SEMA3C: variants seen among roughly 807,000 people sequenced by gnomAD.
SEMA3C encodes semaphorin 3C.
A neutral mutation model predicts 89.4 loss-of-function variants in SEMA3C; 47 were observed. The observed-to-expected ratio is 0.53, with a 90% CI of 0.42 to 0.67. The LOEUF (loss-of-function observed/expected upper bound fraction) is 0.67, where lower values mean the gene tolerates loss of function less well. SEMA3C is among the 30% of genes least tolerant of loss of function. SEMA3C has a pLI of 0.00. For missense variants in SEMA3C, 839 were observed against 929.1 expected (o/e 0.90, Z 1.26); for synonymous variants, 310 against 320.2 (o/e 0.97, Z 0.34).
intron 2 of SEMA3C, among the ~76,000 whole-genome samples, chr7:80,846,427 G>A (rs1483743662): frequency 1.3e-5 from 2 of 152,290 alleles, no homozygotes; most frequent in East Asian, 1.9e-4. Context: ...CACGATCACA[G>A]TTCACTGTAA....
intron 2 of SEMA3C, among the ~76,000 whole-genome samples, chr7:80,831,725 G>A (rs1413852464): frequency 1.3e-5 from 2 of 152,086 alleles, no homozygotes; most frequent in Non-Finnish European, 2.9e-5. Context: ...CACCTGATAT[G>A]CTAAAATGGA....
chr7:80,881,216 C>G (rs1466372552), intron 2 of SEMA3C, among the ~76,000 whole-genome samples: 2 of 150,916 alleles, frequency 1.3e-5, no homozygotes, highest in Non-Finnish European at 3.0e-5. Context: ...CACACTCTCT[C>G]TCATGTAAAG....
intron 2 of SEMA3C, among the ~76,000 whole-genome samples, chr7:80,915,293 G>A (rs948620061): frequency 2.6e-5 from 4 of 152,134 alleles, no homozygotes; most frequent in African/African-American, 9.7e-5. Context: ...GCATAGCTAT[G>A]GGTTTTAAGG....
intron 12 of SEMA3C, among the ~76,000 whole-genome samples, chr7:80,766,558 C>T (rs1035079634): frequency 1.2e-4 from 18 of 152,226 alleles, no homozygotes; most frequent in Admixed American, 1.1e-3. Context: ...AGACCCTATG[C>T]TCAGGCCTGC....
At chr7:80,815,575 T>TAAAAAAAAAAAAAAAAAAAAAAAA (rs1789585531) in intron 5 of SEMA3C, among the ~76,000 whole-genome samples, 61 of 82,004 alleles carry the variant, frequency 7.4e-4, no homozygotes, top group Middle Eastern at 8.2e-3. Flanking sequence ...AAAAAAAAAG[T>TAAAAAAAAAAAAAAAAAAAAAAAA]AAATGTAGAG....
In SEMA3C at chr7:80,742,867, T is replaced by C. The variant is rs996729521; in HGVS notation, c.*2027A>G. 6.6e-6 allele frequency: 1 copy of C among 151,964 alleles called. No individual in the cohort carries two copies. The highest frequency in any genetic ancestry group is 1.5e-5 in the Non-Finnish European group (1 of 67,844). 9.4% of individuals were successfully genotyped at this position (151,964 alleles called of 1,614,324 possible). A position where few individuals can be genotyped will look rare whatever the true frequency, so the allele number is the denominator to read the frequency against. ...TTTACATTCAGCAGAGTTATGTTCA[T>C]GAAGAATTTCTACATTTTTAAAAGT... On this transcript the variant is annotated 3_prime_UTR_variant, in exon 18 of 18. Coordinates refer to ENST00000265361, the MANE Select transcript of SEMA3C (RefSeq NM_006379.5).
chr7:80,800,841 A>G lies in SEMA3C; in HGVS notation c.917-15T>C. The G allele has an allele frequency of 6.8e-7, 1 of 1,478,194 alleles. No individual in the cohort carries two copies. Among genetic ancestry groups the G allele is most frequent in the East Asian group, 2.6e-5 (1 of 38,162 alleles). 91.6% of individuals were successfully genotyped at this position (1,478,194 alleles called of 1,614,324 possible). On this transcript the variant is annotated splice_polypyrimidine_tract_variant and intron_variant, in intron 9 of 17. Transcript: ENST00000265361. ...AAACACATCCTCTATAAAAAGGAAA[A>G]TATTCTTTTAAAGTTTCTAAATATT...
chr7:80,783,266 T>C (rs1235100830), intron 12 of SEMA3C, among the ~76,000 whole-genome samples: 1 of 152,184 alleles, frequency 6.6e-6, no homozygotes, highest in Non-Finnish European at 1.5e-5. Context: ...TGTTCTTTTC[T>C]TTCCCTGTCT....
intron 2 of SEMA3C, among the ~76,000 whole-genome samples, chr7:80,848,500 G>A (rs1299079793): frequency 6.6e-6 from 1 of 152,172 alleles, no homozygotes; most frequent in Admixed American, 6.5e-5. Context: ...GAATAACACT[G>A]AAGGTCACGT....
At chr7:80,800,530 A>G (rs1352420107) in intron 10 of SEMA3C, among the ~76,000 whole-genome samples, 4 of 152,306 alleles carry the variant, frequency 2.6e-5, no homozygotes, top group Admixed American at 2.6e-4. Flanking sequence ...TTTGTTTGAT[A>G]AAAATATCAT....
chr7:80,840,997 C>G (rs908541140), intron 2 of SEMA3C, among the ~76,000 whole-genome samples: 1 of 152,006 alleles, frequency 6.6e-6, no homozygotes, highest in African/African-American at 2.4e-5. Flanking sequence ...GTGGGAGATT[C>G]AAAGGATGAT....
intron 14 of SEMA3C, among the ~76,000 whole-genome samples, chr7:80,760,632 G>T (rs780596814): frequency 6.6e-6 from 1 of 152,164 alleles, no homozygotes; most frequent in Non-Finnish European, 1.5e-5. Context: ...ATGGTGAAGA[G>T]CTCCAGAATC....
chr7:80,816,763 C>T (rs562978039), intron 5 of SEMA3C, among the ~76,000 whole-genome samples: 18 of 152,250 alleles, frequency 1.2e-4, no homozygotes, highest in South Asian at 1.0e-3. Flanking sequence ...TCCTTTGAAA[C>T]GTATCTTTTG....
chr7:80,888,522 G>A (rs1202593095), intron 2 of SEMA3C, among the ~76,000 whole-genome samples: 2 of 152,054 alleles, frequency 1.3e-5, no homozygotes, highest in East Asian at 1.9e-4. Context: ...GGTTGTTGAC[G>A]TGAACATTAA....
intron 2 of SEMA3C, among the ~76,000 whole-genome samples, chr7:80,890,303 C>T (rs1321151434): frequency 6.6e-6 from 1 of 152,178 alleles, no homozygotes; most frequent in Non-Finnish European, 1.5e-5. Flanking sequence ...TCTTCCAATG[C>T]TGCAAGCATT....
chr7:80,847,031 C>T (rs537048061), intron 2 of SEMA3C, among the ~76,000 whole-genome samples: 2 of 152,250 alleles, frequency 1.3e-5, no homozygotes, highest in East Asian at 3.9e-4. Context: ...GACTAATTTA[C>T]CCCACAAGTC....
intron 2 of SEMA3C, among the ~76,000 whole-genome samples, chr7:80,863,580 C>T (rs780533633): frequency 4.6e-5 from 7 of 151,364 alleles, no homozygotes; most frequent in Non-Finnish European, 7.4e-5. Flanking sequence ...CAGCACAATT[C>T]GCAATTGCAA....
intron 2 of SEMA3C, among the ~76,000 whole-genome samples, chr7:80,888,904 C>A (rs532290529): frequency 3.9e-5 from 6 of 152,090 alleles, no homozygotes; most frequent in African/African-American, 1.4e-4. Flanking sequence ...CACTCAGGAA[C>A]CCTGGCTGGG....
intron 2 of SEMA3C, among the ~76,000 whole-genome samples, chr7:80,868,445 T>A (rs1013575216): frequency 6.6e-6 from 1 of 152,000 alleles, no homozygotes; most frequent in Non-Finnish European, 1.5e-5. Flanking sequence ...TTTTTGTATT[T>A]TTTGGTAGAG....
Sources: allele counts gnomAD v4.1 joint callset (sites outside exome capture counted in the v4.1 genomes callset), GRCh38; gene constraint gnomAD v4.1.1; transcripts MANE v1.5; gene names NCBI Gene and HGNC (gene_info 2026-07-23, HGNC 2026-07-21).